NR2C1: variants seen among roughly 807,000 people sequenced by gnomAD.
NR2C1 encodes the protein TR2 nuclear hormone receptor.
Under a neutral mutation model 74.8 loss-of-function variants are expected in NR2C1, and 33 were observed. The ratio of observed to expected loss-of-function variants is 0.44; its 90% CI spans 0.33 to 0.59. The LOEUF (loss-of-function observed/expected upper bound fraction) is 0.59. Ranked by LOEUF, NR2C1 falls within the 20% of genes least tolerant of loss-of-function variation. NR2C1 has a pLI of 0.02. For synonymous variants in NR2C1, 225 were observed against 240.6 expected (o/e 0.94, Z 0.60); for missense variants, 568 against 715.6 (o/e 0.79, Z 2.35).
chr12:95,040,927 A>C (rs1221726444), intron 9 of NR2C1, among the ~76,000 whole-genome samples: 1 of 152,146 alleles, frequency 6.6e-6, no homozygotes. Context: ...GCATACAACA[A>C]ATTCAGTTTA....
intron 7 of NR2C1, among the ~76,000 whole-genome samples, chr12:95,056,751 G>T (rs937592853): frequency 1.3e-5 from 2 of 152,122 alleles, no homozygotes; most frequent in Non-Finnish European, 2.9e-5. Flanking sequence ...GAGGTCAGGC[G>T]ATCGAGACCA....
At chr12:95,039,876 G>A (rs1272618935) in intron 10 of NR2C1, among the ~76,000 whole-genome samples, 1 of 152,170 alleles carries the variant, frequency 6.6e-6, no homozygotes, top group Non-Finnish European at 1.5e-5. Context: ...CTGGCCTCAA[G>A]CCATCCTCCT....
chr12:95,050,649 A>T (rs1872862922), intron 8 of NR2C1, among the ~76,000 whole-genome samples: 1 of 151,230 alleles, frequency 6.6e-6, no homozygotes, highest in African/African-American at 2.4e-5. Context: ...TTTCCTTTAG[A>T]GATGGGGTCT....
chr12:95,035,830 AC>A (rs948046040), intron 10 of NR2C1, among the ~76,000 whole-genome samples: 3 of 152,206 alleles, frequency 2.0e-5, no homozygotes, highest in Non-Finnish European at 4.4e-5. Flanking sequence ...ACGAAGAATG[AC>A]CTTTTATTAT....
At chr12:95,031,226 G>C in intron 11 of NR2C1, 123 bp downstream of exon 11, 1 of 772,778 alleles carries the variant, frequency 1.3e-6, no homozygotes, top group Non-Finnish European at 1.9e-6. Context: ...TCTAAAGTAA[G>C]AAGAGCATTG....
At chr12:95,035,713 C>T (rs1870737931) in intron 10 of NR2C1, among the ~76,000 whole-genome samples, 2 of 152,092 alleles carry the variant, frequency 1.3e-5, no homozygotes, top group Admixed American at 1.3e-4. Context: ...ATCTAAACCC[C>T]AAACCAAAAA....
At chr12:95,042,624 A>G (rs1013253538) in intron 9 of NR2C1, among the ~76,000 whole-genome samples, 1 of 152,204 alleles carries the variant, frequency 6.6e-6, no homozygotes, top group East Asian at 1.9e-4. Context: ...TGTAAAAAAC[A>G]ACCCCTGCCT....
At chr12:95,048,582 G>A (rs1205237430) in intron 9 of NR2C1, among the ~76,000 whole-genome samples, 1 of 150,628 alleles carries the variant, frequency 6.6e-6, no homozygotes, top group Non-Finnish European at 1.5e-5. Context: ...ATAAACAGAA[G>A]AGAAAAGCCT....
intron 1 of NR2C1, among the ~76,000 whole-genome samples, chr12:95,069,929 C>T (rs1876335068): frequency 6.6e-6 from 1 of 152,042 alleles, no homozygotes; most frequent in Non-Finnish European, 1.5e-5. Flanking sequence ...AGGATCTATG[C>T]CTGACCCTGG....
At chr12:95,040,743 A>G (rs887626475) in intron 9 of NR2C1, 146 bp from the exon 10 acceptor site, 2 of 702,476 alleles carry the variant, frequency 2.8e-6, no homozygotes. Context: ...CCAAGTCACT[A>G]GAATTTACAG....
At chr12:95,046,779 T>A (rs1438919642) in intron 9 of NR2C1, among the ~76,000 whole-genome samples, 1 of 152,040 alleles carries the variant, frequency 6.6e-6, no homozygotes, top group Admixed American at 6.5e-5. Context: ...AAACCCATGA[T>A]CAGAAAACTT....
At chr12:95,047,409 T>C (rs1872448869) in intron 9 of NR2C1, among the ~76,000 whole-genome samples, 1 of 152,212 alleles carries the variant, frequency 6.6e-6, no homozygotes, top group Admixed American at 6.5e-5. Context: ...AAATTATCTT[T>C]GGTAAAATTT....
chr12:95,037,146 A>G (rs563084127), intron 10 of NR2C1, among the ~76,000 whole-genome samples: 10 of 152,324 alleles, frequency 6.6e-5, no homozygotes, highest in African/African-American at 2.4e-4. Context: ...TTTTGGTTAT[A>G]TTTTAAGAAT....
At chr12:95,062,042 G>C (rs897107614) in intron 3 of NR2C1, among the ~76,000 whole-genome samples, 1 of 152,156 alleles carries the variant, frequency 6.6e-6, no homozygotes, top group Non-Finnish European at 1.5e-5. Context: ...TTCTTGATTT[G>C]GCAGCTTCCT....
chr12:95,043,689 C>CAAAAAAAAAAAAAAAAAAAAAAAAAAA lies in NR2C1; in HGVS notation c.1132-3093_1132-3092insTTTTTTTTTTTTTTTTTTTTTTTTTTT, dbSNP rs34229669. Among the ~76,000 whole-genome samples, 362 of 93,910 alleles carry CAAAAAAAAAAAAAAAAAAAAAAAAAAA rather than the reference C, an allele frequency of 3.9e-3. 6 individuals are homozygous for CAAAAAAAAAAAAAAAAAAAAAAAAAAA. Among genetic ancestry groups the CAAAAAAAAAAAAAAAAAAAAAAAAAAA allele is most frequent in the Non-Finnish European group, 5.6e-3 (247 of 43,744 alleles). 61.6% of individuals were successfully genotyped at this position (93,910 alleles called of 152,430 possible). A position where few individuals can be genotyped will look rare whatever the true frequency, so the allele number is the denominator to read the frequency against. On this transcript the variant is annotated intron_variant, in intron 9 of 13. Transcript: ENST00000333003. The stretch of plus-strand genomic sequence containing the variant: ...TGGGAGACAGAGCAAGACTCTGTCT[C>CAAAAAAAAAAAAAAAAAAAAAAAAAAA]AAAAAAAAAAAAAATCCTTTGCAAA...
At chr12:95,048,717 C>T (rs1222840605) in intron 9 of NR2C1, among the ~76,000 whole-genome samples, 2 of 151,554 alleles carry the variant, frequency 1.3e-5, no homozygotes, top group African/African-American at 4.9e-5. Flanking sequence ...CTCCGCCTCC[C>T]GAGTTCAATC....
chr12:95,036,175 T>C (rs1368985598), intron 10 of NR2C1, among the ~76,000 whole-genome samples: 2 of 151,970 alleles, frequency 1.3e-5, no homozygotes, highest in Non-Finnish European at 2.9e-5. Context: ...TATTGTAGTT[T>C]ATGTTCAAAA....
At chr12:95,065,964 AAATTATTG>A (rs1384817896) in intron 2 of NR2C1, among the ~76,000 whole-genome samples, 1 of 151,972 alleles carries the variant, frequency 6.6e-6, no homozygotes, top group Non-Finnish European at 1.5e-5. Context: ...AAAAAAAAAA[AAATTATTG>A]ACTATAGTCC....
At chr12:95,023,579 C>T (rs571006121) in intron 13 of NR2C1, among the ~76,000 whole-genome samples, 8 of 148,690 alleles carry the variant, frequency 5.4e-5, no homozygotes, top group African/African-American at 2.1e-4. Context: ...ATTGAACTGC[C>T]CACTACTTAT....
Sources: gnomAD v4.1 joint callset for allele counts (sites outside exome capture counted in the v4.1 genomes callset) on GRCh38, gnomAD v4.1.1 for gene constraint, MANE v1.5 for transcripts, NCBI Gene and HGNC (gene_info 2026-07-23, HGNC 2026-07-21) for gene names.